The following NUP188 variants were observed in gnomAD, a reference collection of about 807,000 sequenced individuals.
NUP188 encodes nucleoporin NUP188.
NUP188 carries 97 observed loss-of-function variants against 223.0 expected under a neutral mutation model. The observed-to-expected ratio is 0.43, with a 90% CI of 0.37 to 0.51. The LOEUF is 0.51. Among genes scored for constraint, NUP188 ranks in the 20% least tolerant of loss-of-function variants. The pLI, the probability that NUP188 is intolerant of heterozygous loss-of-function variation, is 0.00. For missense variants in NUP188, 1,947 were observed against 2,175.6 expected, an observed-to-expected ratio of 0.89 and a Z score of 2.09; for synonymous variants, 869 against 828.0, an observed-to-expected ratio of 1.05 and a Z score of -0.85.
chr9:128,992,044 C>T (rs1842443268), intron 25 of NUP188, among the ~76,000 whole-genome samples: 1 of 150,456 alleles, frequency 6.6e-6, no homozygotes. Context: ...GTAGCTGGGA[C>T]TACAGGCGCC....
At chr9:128,966,132 T>C (rs1202251598) in intron 8 of NUP188, among the ~76,000 whole-genome samples, 2 of 39,484 alleles carry the variant, frequency 5.1e-5, no homozygotes, top group Admixed American at 2.3e-4. Flanking sequence ...TGCCTCCGTG[T>C]GTGTGTGTGT....
chr9:128,963,573 C>T (rs1841984326), intron 8 of NUP188, among the ~76,000 whole-genome samples: 1 of 151,940 alleles, frequency 6.6e-6, no homozygotes, highest in African/African-American at 2.4e-5. Flanking sequence ...TGCATTCCCA[C>T]CAGAAATGTA....
intron 25 of NUP188, 128 bp from the exon 26 acceptor site, chr9:128,993,069 C>G: frequency 1.4e-6 from 1 of 731,282 alleles, no homozygotes; most frequent in Non-Finnish European, 2.4e-6. Context: ...CCTTTTAGCC[C>G]AGAGCTGTAG....
intron 3 of NUP188, 106 bp downstream of exon 3, chr9:128,952,952 C>A: frequency 3.4e-6 from 3 of 882,934 alleles, no homozygotes; most frequent in Non-Finnish European, 3.7e-6. Context: ...TTATGTATAC[C>A]AGAGATAATA....
At chr9:128,980,772 G>A in intron 14 of NUP188, 47 bp downstream of exon 14, 1 of 1,594,168 alleles carries the variant, frequency 6.3e-7, no homozygotes, top group South Asian at 1.1e-5. Flanking sequence ...GATTCTTTAT[G>A]GAGACTTTAT....
chr9:128,965,098 C>T (rs1842009751), intron 8 of NUP188, among the ~76,000 whole-genome samples: 1 of 152,134 alleles, frequency 6.6e-6, no homozygotes, highest in South Asian at 2.1e-4. Context: ...ATAGAATTTA[C>T]CAGTGAAGCC....
chr9:128,953,021 A>G (rs938605589), intron 3 of NUP188, 175 bp downstream of exon 3: 49 of 545,186 alleles, frequency 9.0e-5, no homozygotes, highest in Non-Finnish European at 1.5e-4. Context: ...TGACCGAAAG[A>G]AAAGGAAATT....
chr9:128,996,467 TTCA>T (rs935384317), intron 30 of NUP188, among the ~76,000 whole-genome samples: 10 of 152,144 alleles, frequency 6.6e-5, no homozygotes, highest in Non-Finnish European at 1.3e-4. Flanking sequence ...ATCTTTTGAC[TTCA>T]TGAACAACTT....
At chr9:129,004,197 C>T (rs1261173153) in intron 38 of NUP188, among the ~76,000 whole-genome samples, 4 of 149,434 alleles carry the variant, frequency 2.7e-5, no homozygotes, top group African/African-American at 4.9e-5. Flanking sequence ...GCAGGAGAAT[C>T]GCTTGAACTC....
At chr9:128,993,773 G>T in intron 27 of NUP188, 79 bp downstream of exon 27, 1 of 1,320,376 alleles carries the variant, frequency 7.6e-7, no homozygotes, top group Non-Finnish European at 1.1e-6. Flanking sequence ...CCAGAGGTTT[G>T]TTGTGACAGT....
At chr9:128,964,669 A>G (rs567094499) in intron 8 of NUP188, among the ~76,000 whole-genome samples, 24 of 148,710 alleles carry the variant, frequency 1.6e-4, no homozygotes, top group Non-Finnish European at 2.8e-4. Flanking sequence ...CACTGCTCCT[A>G]GACTGTATCT....
At chr9:128,999,869 T>C (rs1050728483) in intron 34 of NUP188, 64 bp downstream of exon 34, 1 of 1,481,908 alleles carries the variant, frequency 6.7e-7, no homozygotes, top group African/African-American at 1.4e-5. Flanking sequence ...TGCCTGACTC[T>C]GGGGATAAGT....
intron 33 of NUP188, 48 bp downstream of exon 33, chr9:128,999,365 T>A: frequency 6.3e-7 from 1 of 1,599,804 alleles, no homozygotes; most frequent in Non-Finnish European, 8.5e-7. Context: ...TGCCCACTCC[T>A]GCTGACAGCC....
intron 10 of NUP188, among the ~76,000 whole-genome samples, chr9:128,970,177 C>T (rs997031387): frequency 6.6e-6 from 1 of 152,198 alleles, no homozygotes; most frequent in Non-Finnish European, 1.5e-5. Flanking sequence ...ATCCACCTGC[C>T]TCAGCCTCCC....
chr9:128,957,066 T>C, intron 5 of NUP188, 34 bp downstream of exon 5: 1 of 1,429,972 alleles, frequency 7.0e-7, no homozygotes, highest in African/African-American at 1.4e-5. Flanking sequence ...TTCTTCTGCC[T>C]TTATCCTTTT....
In NUP188 at chr9:128,987,842, C is replaced by A; in HGVS notation, c.2393+125C>A. 7 of 1,308,270 alleles carry A rather than the reference C, an allele frequency of 5.4e-6. No homozygotes were observed. In the South Asian group the frequency reaches 9.7e-5, roughly 18 times the overall value. The allele number at this position is 1,308,270 out of a possible 1,614,324, so 81.0% of individuals were successfully genotyped here. ...GACATTGTTCTTCCTAGGACATAGC[C>A]TTTACATACCCTAGTGGCTGCTGTA... On this transcript the variant is annotated intron_variant, in intron 23 of 43. Coordinates refer to ENST00000372577, the MANE Select transcript of NUP188 (RefSeq NM_015354.3).
In NUP188 at chr9:128,999,173, G is replaced by A. The variant is rs1206169050; in HGVS notation, c.3517G>A (p.Glu1173Lys). ...LLILLRQWKR[E>K]LGSVDEILGP... is the part of the protein sequence containing the mutation. ...TGGCCCACCCAGTATTCTTTCTAGA[G>A]AGTTAGGTTCTGTGGATGAAATCCT... Residue 1173 changes from glutamate (E) to lysine (K), a missense_variant and splice_region_variant, in exon 33 of 44, where the codon GAG (glutamate) becomes AAG (lysine). Physicochemically the swap from Glu to Lys is moderately conservative, Grantham distance 56. Transcript: ENST00000372577. 2 of 1,613,950 alleles carry A rather than the reference G, an allele frequency of 1.2e-6. No individual in the cohort carries two copies. Among genetic ancestry groups the A allele is most frequent in the East Asian group, 4.5e-5 (2 of 44,872 alleles).
intron 1 of NUP188, chr9:128,948,969 C>T: frequency 2.6e-6 from 1 of 379,964 alleles, no homozygotes; most frequent in Non-Finnish European, 4.8e-6. Context: ...TCATGATCCG[C>T]CCGCCTCGAC....
chr9:128,973,325 G>A (rs1261391809), intron 12 of NUP188, 76 bp downstream of exon 12: 4 of 909,832 alleles, frequency 4.4e-6, no homozygotes, highest in African/African-American at 1.6e-5. Context: ...ACCCCCATTG[G>A]ATCTGATATT....
Sources: allele counts gnomAD v4.1 joint callset (sites outside exome capture counted in the v4.1 genomes callset), GRCh38; gene constraint gnomAD v4.1.1; transcripts MANE v1.5; gene names NCBI Gene and HGNC (gene_info 2026-07-23, HGNC 2026-07-21).